The following MAML3 variants were observed in gnomAD, a reference collection of about 807,000 sequenced individuals.
MAML3 encodes mastermind like transcriptional coactivator 3, also known as mastermind-like protein 3.
In MAML3, 27 loss-of-function variants were observed where a neutral mutation model predicts 101.9. That is an observed-to-expected ratio of 0.27 (90% confidence interval 0.20 to 0.37). The LOEUF (loss-of-function observed/expected upper bound fraction) is 0.37, where lower values mean the gene tolerates loss of function less well. MAML3 is among the 10% of genes least tolerant of loss of function. The pLI is 1.00. For synonymous variants in MAML3, 501 were observed against 555.9 expected (o/e 0.90, Z 1.39); for missense variants, 1,316 against 1,444.9 (o/e 0.91, Z 1.45).
intron 2 of MAML3, among the ~76,000 whole-genome samples, chr4:139,825,112 G>T (rs887866787): frequency 1.3e-5 from 2 of 151,984 alleles, no homozygotes; most frequent in South Asian, 4.1e-4. Context: ...CTATCTAGAC[G>T]GGAGGAAGTT....
At chr4:140,087,149 C>T (rs1406934509) in intron 1 of MAML3, among the ~76,000 whole-genome samples, 1 of 152,172 alleles carries the variant, frequency 6.6e-6, no homozygotes, top group Non-Finnish European at 1.5e-5. Context: ...AAGAGTAAGA[C>T]TCCATCTCAA....
At chr4:140,133,581 T>C (rs896598211) in intron 1 of MAML3, among the ~76,000 whole-genome samples, 1 of 151,618 alleles carries the variant, frequency 6.6e-6, no homozygotes, top group Non-Finnish European at 1.5e-5. Flanking sequence ...ACAAATCACA[T>C]GGAGGGGCAA....
intron 2 of MAML3, among the ~76,000 whole-genome samples, chr4:139,866,723 C>T (rs960778761): frequency 6.6e-6 from 1 of 152,090 alleles, no homozygotes; most frequent in Non-Finnish European, 1.5e-5. Flanking sequence ...GGAAGTCAGC[C>T]AAGCGAAGAC....
intron 1 of MAML3, among the ~76,000 whole-genome samples, chr4:139,906,259 G>A (rs1034406458): frequency 5.3e-5 from 8 of 152,128 alleles, no homozygotes; most frequent in African/African-American, 1.9e-4. Flanking sequence ...TGCCCAGCAT[G>A]TATATATTTT....
At chr4:139,999,174 T>C (rs558568627) in intron 1 of MAML3, among the ~76,000 whole-genome samples, 1 of 152,292 alleles carries the variant, frequency 6.6e-6, no homozygotes, top group South Asian at 2.1e-4. Flanking sequence ...GGGATATGCT[T>C]ACTCCAACCA....
At position 139,987,496 on chromosome 4, in the gene MAML3, C is replaced by G. The variant is rs1251029775; in HGVS notation, c.469-96529G>C. ...ATCTTATGCCGTTCTTTATGGTGTC[C>G]ATGAGAAGTTGAAAAAGAAAAATCA... On this transcript the variant is annotated intron_variant, in intron 1 of 4. Transcript: ENST00000509479. 2.6e-5 allele frequency among the ~76,000 whole-genome samples: 4 copies of G among 152,146 alleles called. No individual in the cohort carries two copies. In the South Asian group the frequency reaches 8.3e-4, roughly 32 times the overall value.
intron 1 of MAML3, among the ~76,000 whole-genome samples, chr4:140,094,661 A>C (rs1349360029): frequency 6.6e-6 from 1 of 152,186 alleles, no homozygotes; most frequent in Non-Finnish European, 1.5e-5. Flanking sequence ...GCCAACGTGA[A>C]CTTCCTAATT....
At chr4:140,060,642 C>G (rs1250826927) in intron 1 of MAML3, among the ~76,000 whole-genome samples, 1 of 152,044 alleles carries the variant, frequency 6.6e-6, no homozygotes, top group South Asian at 2.1e-4. Context: ...ATTTCTCCTA[C>G]AAAGAGTGTC....
chr4:139,916,237 A>T (rs1298524256), intron 1 of MAML3, among the ~76,000 whole-genome samples: 1 of 152,212 alleles, frequency 6.6e-6, no homozygotes, highest in Non-Finnish European at 1.5e-5. Context: ...GAGATAGGAA[A>T]AAAAGGAAGG....
intron 2 of MAML3, among the ~76,000 whole-genome samples, chr4:139,743,243 G>A (rs1416868487): frequency 2.0e-5 from 3 of 152,218 alleles, no homozygotes; most frequent in Non-Finnish European, 4.4e-5. Flanking sequence ...CTTGTGGGAG[G>A]ATAACAGCAG....
chr4:140,010,798 A>G (rs1206548667), intron 1 of MAML3, among the ~76,000 whole-genome samples: 5 of 152,150 alleles, frequency 3.3e-5, no homozygotes, highest in Non-Finnish European at 4.4e-5. Flanking sequence ...TGACATAATG[A>G]TCCCATTAAA....
In MAML3 at chr4:139,890,291, C is replaced by G. The variant is rs1303304494; in HGVS notation, c.1145G>C (p.Gly382Ala). The G allele has an allele frequency of 6.2e-7, 1 of 1,613,678 alleles. No homozygotes were observed. The highest frequency in any genetic ancestry group is 1.1e-5 in the South Asian group (1 of 91,038). The change falls in exon 2 of 5, where the codon GGT becomes GCT. Residue 382 changes from glycine to alanine, a missense_variant. Coordinates refer to ENST00000509479, the MANE Select transcript of MAML3 (RefSeq NM_018717.5). The surrounding 1 kb of genome is among the most constrained non-coding windows in gnomAD (Gnocchi z 4.1). ...GSPQARPSSS[G>A]PPFSTVSTAT... ...CGTGGAGACAGTAGAAAAGGGAGGA[C>G]CAGAAGAAGAAGGCCTCGCCTGGGG... is the stretch of plus-strand genomic sequence containing the variant.
intron 1 of MAML3, among the ~76,000 whole-genome samples, chr4:139,949,856 C>T (rs758553609): frequency 6.6e-6 from 1 of 152,108 alleles, no homozygotes; most frequent in African/African-American, 2.4e-5. Context: ...ATGTGATTAA[C>T]GTTGAAATTA....
intron 1 of MAML3, among the ~76,000 whole-genome samples, chr4:140,145,146 T>C (rs887484774): frequency 1.3e-5 from 2 of 151,700 alleles, no homozygotes; most frequent in Non-Finnish European, 2.9e-5. Context: ...GCTCGGGAGG[T>C]GGAGAAAGAT....
At chr4:139,827,906 A>G (rs1393634051) in intron 2 of MAML3, among the ~76,000 whole-genome samples, 1 of 152,232 alleles carries the variant, frequency 6.6e-6, no homozygotes, top group African/African-American at 2.4e-5. Flanking sequence ...AGTAACTACT[A>G]TAAGGAAATT....
At chr4:140,126,666 T>C (rs1303228325) in intron 1 of MAML3, among the ~76,000 whole-genome samples, 1 of 152,226 alleles carries the variant, frequency 6.6e-6, no homozygotes, top group Admixed American at 6.5e-5. Context: ...GCAATGTCTA[T>C]ACCCGCAACC....
intron 1 of MAML3, among the ~76,000 whole-genome samples, chr4:140,138,529 G>A (rs1485391930): frequency 6.6e-6 from 1 of 152,180 alleles, no homozygotes; most frequent in African/African-American, 2.4e-5. Context: ...TGCAGGATGG[G>A]AATAGTAAGA....
intron 2 of MAML3, among the ~76,000 whole-genome samples, chr4:139,857,182 G>A (rs2111161451): frequency 6.6e-6 from 1 of 152,302 alleles, no homozygotes; most frequent in East Asian, 1.9e-4. Flanking sequence ...GCAGGAAGAG[G>A]TTTAAAAGAG....
chr4:139,855,150 A>C (rs890831163), intron 2 of MAML3, among the ~76,000 whole-genome samples: 42 of 152,336 alleles, frequency 2.8e-4, no homozygotes, highest in African/African-American at 9.4e-4. Flanking sequence ...GATTCATCAG[A>C]GGATGAATGG....
Sources: allele counts gnomAD v4.1 joint callset (sites outside exome capture counted in the v4.1 genomes callset), GRCh38; gene constraint gnomAD v4.1.1; non-coding constraint Gnocchi (gnomAD v3.1); transcripts MANE v1.5; gene names NCBI Gene and HGNC (gene_info 2026-07-23, HGNC 2026-07-21).